The following EPHA7 variants were observed in gnomAD, a reference collection of about 807,000 sequenced individuals.
The protein encoded by EPHA7 is ephrin type-A receptor 7.
A neutral mutation model predicts 112.6 loss-of-function variants in EPHA7; 25 were observed. The observed-to-expected ratio is 0.22, with a 90% confidence interval of 0.16 to 0.31. The LOEUF (loss-of-function observed/expected upper bound fraction) is 0.31, where lower values mean the gene tolerates loss of function less well. Ranked by LOEUF, EPHA7 falls within the 10% of genes least tolerant of loss-of-function variation. EPHA7 has a pLI of 1.00. For synonymous variants in EPHA7, 437 were observed against 406.5 expected, an observed-to-expected ratio of 1.07 and a Z score of -0.90; for missense variants, 962 against 1,212.6, an observed-to-expected ratio of 0.79 and a Z score of 3.07.
intron 3 of EPHA7, among the ~76,000 whole-genome samples, chr6:93,365,699 T>C (rs1452420803): frequency 1.3e-5 from 2 of 152,190 alleles, no homozygotes; most frequent in African/African-American, 4.8e-5. Context: ...GAGTACATTA[T>C]GGTTTGTGGA....
intron 3 of EPHA7, among the ~76,000 whole-genome samples, chr6:93,368,856 G>A (rs1461049805): frequency 6.6e-6 from 1 of 152,076 alleles, no homozygotes; most frequent in Non-Finnish European, 1.5e-5. Flanking sequence ...GTTATAAAAT[G>A]TGGATCAATA....
chr6:93,330,857 A>G (rs1774556560), intron 5 of EPHA7, among the ~76,000 whole-genome samples: 1 of 151,328 alleles, frequency 6.6e-6, no homozygotes, highest in Non-Finnish European at 1.5e-5. Context: ...TCTCTTTTTT[A>G]TGTTACCTTG....
intron 3 of EPHA7, among the ~76,000 whole-genome samples, chr6:93,390,540 T>C (rs1365167128): frequency 1.3e-5 from 2 of 149,720 alleles, no homozygotes; most frequent in East Asian, 3.9e-4. Context: ...ATGATGCCTG[T>C]AACTTACTTT....
In EPHA7 at chr6:93,245,444, G is replaced by A; in HGVS notation, c.2736C>T (p.Ser912=). The part of the protein sequence containing the change: ...TPLGTCSRPI[S]PLLDQNTPDF... ...CAGGAGTGTTTTGATCCAGAAGAGGGCTTATTGGCCTAGATAAAAATGAAA... is the reference window on the plus strand; with the variant it reads ...CAGGAGTGTTTTGATCCAGAAGAGGACTTATTGGCCTAGATAAAAATGAAA... Residue 912 remains serine (S), a synonymous_variant, in exon 16 of 17, where the codon AGC becomes AGT. Transcript: ENST00000369303. The A allele has an allele frequency of 6.2e-7, 1 of 1,610,978 alleles. No individual in the cohort carries two copies. The highest frequency in any genetic ancestry group is 1.3e-5 in the African/African-American group (1 of 74,866).
chr6:93,260,859 GA>G, intron 9 of EPHA7: 1 of 506,046 alleles, frequency 2.0e-6, no homozygotes, highest in Non-Finnish European at 2.5e-6. Flanking sequence ...GGAGTATAGG[GA>G]AAAGGGGAAG....
At chr6:93,399,439 G>C (rs1335555407) in intron 3 of EPHA7, among the ~76,000 whole-genome samples, 1 of 151,880 alleles carries the variant, frequency 6.6e-6, no homozygotes, top group Non-Finnish European at 1.5e-5. Context: ...TATTGAAGTA[G>C]CTTTATTTTA....
chr6:93,256,123 AAT>A (rs1770432248), intron 12 of EPHA7, 86 bp from the exon 13 acceptor site: 1 of 1,206,950 alleles, frequency 8.3e-7, no homozygotes, highest in Non-Finnish European at 1.2e-6. Flanking sequence ...GCGTGCTAGC[AAT>A]TTGCTATTGT....
chr6:93,322,444 G>A (rs545837505), intron 5 of EPHA7, among the ~76,000 whole-genome samples: 10 of 151,604 alleles, frequency 6.6e-5, no homozygotes, highest in Middle Eastern at 3.4e-3. Flanking sequence ...CCCCAGGAAG[G>A]CCAAAAGATT....
intron 5 of EPHA7, among the ~76,000 whole-genome samples, chr6:93,354,883 T>C (rs533987888): frequency 7.2e-5 from 11 of 152,228 alleles, no homozygotes; most frequent in Admixed American, 2.6e-4. Flanking sequence ...CAGCATCTCC[T>C]GGTTATATTC....
intron 14 of EPHA7, among the ~76,000 whole-genome samples, chr6:93,254,208 C>T (rs1353197847): frequency 6.6e-6 from 1 of 151,906 alleles, no homozygotes; most frequent in Non-Finnish European, 1.5e-5. Context: ...AAAACTTAAA[C>T]CAATCAACAG....
At chr6:93,260,788 G>GAA (rs1253772771) in intron 9 of EPHA7, 14 of 886,968 alleles carry the variant, frequency 1.6e-5, no homozygotes, top group African/African-American at 1.9e-5. Context: ...AGCTGAAGAT[G>GAA]AAAAAAAAAA....
At chr6:93,353,769 C>A (rs1309278060) in intron 5 of EPHA7, among the ~76,000 whole-genome samples, 1 of 151,740 alleles carries the variant, frequency 6.6e-6, no homozygotes, top group Non-Finnish European at 1.5e-5. Flanking sequence ...GTGATCAACC[C>A]AAAATGTATA....
At chr6:93,404,674 CAT>C (rs1453396933) in intron 3 of EPHA7, among the ~76,000 whole-genome samples, 2 of 146,380 alleles carry the variant, frequency 1.4e-5, no homozygotes, top group African/African-American at 5.0e-5. Flanking sequence ...GAGAGAGAGA[CAT>C]ATACTTCTCA....
At chr6:93,264,800 T>A in intron 7 of EPHA7, 98 bp from the exon 8 acceptor site, 1 of 549,534 alleles carries the variant, frequency 1.8e-6, no homozygotes, top group Non-Finnish European at 3.0e-6. Context: ...TAATTCTTTA[T>A]AATTTTAAAT....
intron 11 of EPHA7, 118 bp from the exon 12 acceptor site, chr6:93,257,641 A>G: frequency 1.5e-6 from 1 of 655,416 alleles, no homozygotes; most frequent in Non-Finnish European, 2.6e-6. Flanking sequence ...GAGAAGTATG[A>G]GCATTTCTTT....
chr6:93,419,284 G>A lies in EPHA7; in HGVS notation c.58C>T (p.Arg20Cys), dbSNP rs149722351. 61 of 1,613,958 alleles carry A rather than the reference G, an allele frequency of 3.8e-5. No individual in the cohort carries two copies. In the African/African-American group the frequency reaches 7.9e-4, roughly 21 times the overall value. ...WIILCYIWLL[R>C]FAHTGEAQAA... is the part of the protein sequence containing the mutation. ...TGCGCCTCCCCTGTGTGTGCAAAGCGGAGCAGCCAGATGTAGCATAAAATA... is the reference window on the plus strand; with the variant it reads ...TGCGCCTCCCCTGTGTGTGCAAAGCAGAGCAGCCAGATGTAGCATAAAATA... Residue 20 changes from arginine (R) to cysteine (C), a missense_variant, in exon 1 of 17, where the codon CGC becomes TGC. By Grantham distance (180) the Arg-to-Cys change is radical (BLOSUM62 -3). Coordinates refer to ENST00000369303, the MANE Select transcript of EPHA7 (RefSeq NM_004440.4).
At chr6:93,404,449 G>T (rs530674029) in intron 3 of EPHA7, among the ~76,000 whole-genome samples, 1 of 151,998 alleles carries the variant, frequency 6.6e-6, no homozygotes, top group South Asian at 2.1e-4. Context: ...TAAGGATTCG[G>T]AAGCCAGACT....
At position 93,242,505 on chromosome 6, in the gene EPHA7, C is replaced by T. The variant is rs762449697; in HGVS notation, c.*921G>A. 1.8e-4 allele frequency: 36 copies of T among 199,268 alleles called. No individual in the cohort carries two copies. Among genetic ancestry groups the T allele is most frequent in the Admixed American group, 4.8e-4 (8 of 16,562 alleles). The allele number at this position is 199,268 out of a possible 1,614,324, so 12.3% of individuals were successfully genotyped here. A position where few individuals can be genotyped will look rare whatever the true frequency, so the allele number is the denominator to read the frequency against. The stretch of plus-strand genomic sequence containing the variant: ...TGCTCAGATTAATTTTTAGATAACA[C>T]TGGATAGTTCTGCTTTCAGAGACTT... On this transcript the variant is annotated 3_prime_UTR_variant, in exon 17 of 17. Transcript: ENST00000369303.
chr6:93,405,783 A>ATGTGTGTGTGTG (rs371052750), intron 3 of EPHA7, among the ~76,000 whole-genome samples: 11 of 95,282 alleles, frequency 1.2e-4, no homozygotes, highest in Non-Finnish European at 1.0e-4. Context: ...TTCTGTATAT[A>ATGTGTGTGTGTG]TGTGTGTGTG....
Sources: gnomAD v4.1 joint callset for allele counts (sites outside exome capture counted in the v4.1 genomes callset) on GRCh38, gnomAD v4.1.1 for gene constraint, MANE v1.5 for transcripts, NCBI Gene and HGNC (gene_info 2026-07-23, HGNC 2026-07-21) for gene names.